DACH2: variants seen among roughly 807,000 people sequenced by gnomAD.
The protein encoded by DACH2 is dachshund homolog 2.
A neutral mutation model predicts 35.8 loss-of-function variants in DACH2; 17 were observed. That is an observed-to-expected ratio of 0.48 (90% CI 0.33 to 0.71). The LOEUF (loss-of-function observed/expected upper bound fraction) is 0.71. Among genes scored for constraint, DACH2 ranks in the 30% least tolerant of loss-of-function variants. The pLI is 0.02. For synonymous variants in DACH2, 195 were observed against 177.3 expected, an observed-to-expected ratio of 1.10 and a Z score of -0.79; for missense variants, 469 against 472.7, an observed-to-expected ratio of 0.99 and a Z score of 0.07.
intron 2 of DACH2, among the ~76,000 whole-genome samples, chrX:86,399,313 G>T (rs1215452800): frequency 9.0e-6 from 1 of 111,640 alleles, no homozygotes; most frequent in Non-Finnish European, 1.9e-5. Context: ...ACAGCACACT[G>T]ATGGGTCTTG....
At chrX:86,305,044 C>A in intron 1 of DACH2, 1 of 154,364 alleles carries the variant, frequency 6.5e-6, no homozygotes. Context: ...AGCACTGTGA[C>A]AGAAAAGCAG....
chrX:86,588,134 C>T (rs1311968359), intron 3 of DACH2, among the ~76,000 whole-genome samples: 6 of 110,856 alleles, frequency 5.4e-5, no homozygotes. Context: ...TAGTCATTTT[C>T]CTGTTGTTTA....
intron 1 of DACH2, among the ~76,000 whole-genome samples, chrX:86,159,162 T>C (rs1023097944): frequency 1.6e-4 from 18 of 111,609 alleles, no homozygotes; most frequent in African/African-American, 5.8e-4. Flanking sequence ...CTTTGATTTG[T>C]GTTAAGAGTT....
chrX:86,464,238 C>A (rs1047105295), intron 2 of DACH2, among the ~76,000 whole-genome samples: 1 of 111,399 alleles, frequency 9.0e-6, no homozygotes, highest in African/African-American at 3.3e-5. Flanking sequence ...TATTCTGGCA[C>A]TATTCACAAT....
At chrX:86,788,814 C>CTT (rs11390599) in intron 7 of DACH2, among the ~76,000 whole-genome samples, 6 of 108,947 alleles carry the variant, frequency 5.5e-5, no homozygotes, top group African/African-American at 1.0e-4. Context: ...TTAAGTTTCT[C>CTT]TTTTTTTAAC....
chrX:86,257,875 A>G (rs1327185439), intron 1 of DACH2, among the ~76,000 whole-genome samples: 2 of 111,676 alleles, frequency 1.8e-5, no homozygotes, highest in Non-Finnish European at 3.8e-5. Flanking sequence ...TTTCTTTTCT[A>G]TTCAGGATTC....
chrX:86,763,294 A>G (rs2041901051), intron 7 of DACH2, among the ~76,000 whole-genome samples: 1 of 112,436 alleles, frequency 8.9e-6, no homozygotes, highest in Non-Finnish European at 1.9e-5. Flanking sequence ...AAATGGAATG[A>G]TTTACAACCA....
intron 4 of DACH2, among the ~76,000 whole-genome samples, chrX:86,669,131 A>AT (rs1402035365): frequency 1.8e-5 from 2 of 110,899 alleles, no homozygotes; most frequent in Non-Finnish European, 3.8e-5. Context: ...GAGGTCTTAG[A>AT]TTTTTTTCTT....
In DACH2 at chrX:86,204,358, T is replaced by C. The variant is rs185672367; in HGVS notation, c.488+55250T>C. Among the ~76,000 whole-genome samples, 241 of 112,240 alleles carry C rather than the reference T, an allele frequency of 2.1e-3. 2 individuals carry two copies. The highest frequency in any genetic ancestry group is 7.3e-3 in the African/African-American group (227 of 30,946). ...TTAAGAAATGATACTGTTTCTGTAATTGAAGTCTCAAAAGGCTAAGATATC... is the reference window on the plus strand; with the variant it reads ...TTAAGAAATGATACTGTTTCTGTAACTGAAGTCTCAAAAGGCTAAGATATC... On this transcript the variant is annotated intron_variant, in intron 1 of 11. Transcript: ENST00000373125.
chrX:86,438,219 G>GTTTTT (rs695264), intron 2 of DACH2, among the ~76,000 whole-genome samples: 5 of 81,141 alleles, frequency 6.2e-5, no homozygotes, highest in Non-Finnish European at 6.9e-5. Flanking sequence ...GATCTCGTAG[G>GTTTTT]TTTTTTTTTT....
chrX:86,284,351 G>A (rs1193883462), intron 1 of DACH2, among the ~76,000 whole-genome samples: 1 of 111,574 alleles, frequency 9.0e-6, no homozygotes, highest in Non-Finnish European at 1.9e-5. Context: ...ATGATCATAT[G>A]GTTGTTGTTC....
intron 2 of DACH2, among the ~76,000 whole-genome samples, chrX:86,457,854 A>G (rs774134428): frequency 1.3e-4 from 14 of 111,841 alleles, no homozygotes; most frequent in Non-Finnish European, 1.7e-4. Flanking sequence ...AAGGTTCTGA[A>G]GCTGACTTTT....
intron 3 of DACH2, among the ~76,000 whole-genome samples, chrX:86,613,884 C>T (rs776431654): frequency 2.7e-5 from 3 of 111,601 alleles, no homozygotes; most frequent in African/African-American, 9.7e-5. Context: ...AAATATTATT[C>T]AGCATATTTC....
chrX:86,441,889 G>A lies in DACH2; in HGVS notation c.527+65027G>A, dbSNP rs866481431. Reference sequence around the variant, plus strand: ...TGTGTGTATATATATATATATATATGTATATATATTAGTGACAGGGTCTTG... The same window carrying A: ...TGTGTGTATATATATATATATATATATATATATATTAGTGACAGGGTCTTG... On this transcript the variant is annotated intron_variant, in intron 2 of 11. Coordinates refer to ENST00000373125, the MANE Select transcript of DACH2 (RefSeq NM_053281.3). Among the ~76,000 whole-genome samples the A allele has an allele frequency of 4.0e-5, 4 of 99,996 alleles. No homozygotes were observed. The Admixed American group carries it at 4.4e-4, about 11-fold the overall frequency. 86.8% of individuals were successfully genotyped at this position (99,996 alleles called of 115,157 possible).
At chrX:86,291,131 G>T (rs1289840510) in intron 1 of DACH2, among the ~76,000 whole-genome samples, 2 of 105,608 alleles carry the variant, frequency 1.9e-5, no homozygotes, top group East Asian at 3.0e-4. Context: ...CCTTGAAGAG[G>T]TCCTTCACAT....
At chrX:86,566,782 C>T (rs951519697) in intron 3 of DACH2, among the ~76,000 whole-genome samples, 1 of 111,142 alleles carries the variant, frequency 9.0e-6, no homozygotes, top group Non-Finnish European at 1.9e-5. Flanking sequence ...AAAATAATTT[C>T]ACATTCAATT....
rs192932458 is a variant in DACH2, at chrX:86,532,182, G to A, written c.640+17791G>A. Among the ~76,000 whole-genome samples, 4 of 112,247 alleles carry A rather than the reference G, an allele frequency of 3.6e-5. No individual in the cohort carries two copies. The Admixed American group carries it at 3.8e-4, about 11-fold the overall frequency. ...GGTGAAAGGGACTTGCCTTGTCTGA[G>A]ATGAGACTTTGGACTTGGACTTTAG... On this transcript the variant is annotated intron_variant, in intron 3 of 11. Coordinates refer to ENST00000373125, the MANE Select transcript of DACH2 (RefSeq NM_053281.3).
intron 3 of DACH2, among the ~76,000 whole-genome samples, chrX:86,644,902 T>C (rs1199945303): frequency 9.1e-6 from 1 of 110,353 alleles, no homozygotes; most frequent in Non-Finnish European, 1.9e-5. Flanking sequence ...TTAAAGCATA[T>C]ACAAAAATTA....
Position 86,536,328 on chromosome X carries a change from G to A in DACH2, c.640+21937G>A, listed in dbSNP as rs6623697. On this transcript the variant is annotated intron_variant, in intron 3 of 11. Coordinates refer to ENST00000373125, the MANE Select transcript of DACH2 (RefSeq NM_053281.3). The stretch of plus-strand genomic sequence containing the variant: ...AGCTGGCACCTCCTCTCAACATGAT[G>A]TAACATTTCCTGAAGGAAATCAAAG... Among the ~76,000 whole-genome samples the A allele has an allele frequency of 9.2e-4, 103 of 111,507 alleles. No homozygotes were observed. In the East Asian group the frequency reaches 0.016, roughly 18 times the overall value.
Sources: allele counts gnomAD v4.1 joint callset (sites outside exome capture counted in the v4.1 genomes callset), GRCh38; gene constraint gnomAD v4.1.1; transcripts MANE v1.5; gene names NCBI Gene and HGNC (gene_info 2026-07-23, HGNC 2026-07-21).